The following NPC1 variants were observed in gnomAD, a reference collection of about 807,000 sequenced individuals.
NPC1 encodes NPC intracellular cholesterol transporter 1, also known as Niemann-Pick C1 protein.
In NPC1, 85 loss-of-function variants were observed where a neutral mutation model predicts 140.4. The observed-to-expected ratio is 0.61, with a 90% confidence interval of 0.51 to 0.72. The LOEUF (loss-of-function observed/expected upper bound fraction) is 0.72. Among genes scored for constraint, NPC1 ranks in the 30% least tolerant of loss-of-function variants. NPC1 has a pLI of 0.00. For missense variants in NPC1, 1,504 were observed against 1,623.8 expected (o/e 0.93, Z 1.27); for synonymous variants, 656 against 624.8 (o/e 1.05, Z -0.74).
intron 3 of NPC1, chr18:23,515,853 C>T (rs1440432150): frequency 6.2e-7 from 1 of 1,614,074 alleles, no homozygotes; most frequent in Non-Finnish European, 8.5e-7. Flanking sequence ...AACTCTGCTT[C>T]AGGTATTACC....
intron 10 of NPC1, among the ~76,000 whole-genome samples, chr18:23,550,786 C>T (rs1456246272): frequency 6.6e-6 from 1 of 152,124 alleles, no homozygotes; most frequent in African/African-American, 2.4e-5. Flanking sequence ...ACGCCTGGCC[C>T]AGTTCTTACA....
At chr18:23,539,190 C>A (rs1467620628) in intron 19 of NPC1, among the ~76,000 whole-genome samples, 165 bp downstream of exon 19, 1 of 152,192 alleles carries the variant, frequency 6.6e-6, no homozygotes, top group Non-Finnish European at 1.5e-5. Flanking sequence ...CCAGGAACAA[C>A]ATGACAATTT....
At chr18:23,553,268 A>G (rs2145439873) in intron 9 of NPC1, among the ~76,000 whole-genome samples, 1 of 152,364 alleles carries the variant, frequency 6.6e-6, no homozygotes, top group East Asian at 1.9e-4. Context: ...AAATTTATGT[A>G]ACATTAAATG....
At chr18:23,536,608 T>A in intron 21 of NPC1, 65 bp downstream of exon 21, 1 of 1,428,742 alleles carries the variant, frequency 7.0e-7, no homozygotes, top group Non-Finnish European at 9.7e-7. Flanking sequence ...AAGGGAACCC[T>A]CCCCACTCCC....
At chr18:23,551,776 A>T in intron 9 of NPC1, 49 bp from the exon 10 acceptor site, 2 of 1,205,394 alleles carry the variant, frequency 1.7e-6, no homozygotes, top group Non-Finnish European at 2.5e-6. Flanking sequence ...GCCTCAAGAC[A>T]TCAGGGACCT....
Position 23,536,726 on chromosome 18 carries a change from A to T in NPC1, c.3192T>A (p.Asn1064Lys). ...CGTTAATGCCCATGGTTTCGGTGAC[A>T]TTACTGGCTATAAGTCGGGCTTTCT... ...ALKKARLIAS[N>K]VTETMGINGS... The change falls in exon 21 of 25, where the codon AAT (asparagine) becomes AAA (lysine). Residue 1064 changes from asparagine (N) to lysine (K), a missense_variant. Coordinates refer to ENST00000269228, the MANE Select transcript of NPC1 (RefSeq NM_000271.5). The T allele has an allele frequency of 6.2e-7, 1 of 1,614,182 alleles. No homozygotes were observed. Among genetic ancestry groups the T allele is most frequent in the Non-Finnish European group, 8.5e-7 (1 of 1,180,038 alleles).
downstream of NPC1, chr18:23,528,649 T>C (rs58609749): frequency 0.47 from 71,481 of 152,240 alleles, 17,050 homozygotes; most frequent in East Asian, 0.62. Context: ...GAGGGATGGC[T>C]GAGTCCTTTT....
Position 23,569,005 on chromosome 18 carries a change from G to C in NPC1, c.288-7C>G. 6.2e-7 allele frequency: 1 copy of C among 1,606,808 alleles called. No homozygotes were observed. The highest frequency in any genetic ancestry group is 8.5e-7 in the Non-Finnish European group (1 of 1,174,300). On this transcript the variant is annotated splice_region_variant and splice_polypyrimidine_tract_variant and intron_variant, in intron 3 of 24. Coordinates refer to ENST00000269228, the MANE Select transcript of NPC1 (RefSeq NM_000271.5). ...ATAAAAACAGGATGGACATCTAAAG[G>C]AAAAGTAAATTATATTCTGCATGAT...
At chr18:23,559,406 G>C (rs560671741) in intron 6 of NPC1, among the ~76,000 whole-genome samples, 32 of 149,716 alleles carry the variant, frequency 2.1e-4, no homozygotes, top group African/African-American at 7.9e-4. Flanking sequence ...AAAAAGTACT[G>C]TCCTAAATTA....
intron 1 of NPC1, chr18:23,576,457 A>AG: frequency 1.0e-6 from 1 of 985,890 alleles, no homozygotes; most frequent in African/African-American, 1.7e-5. Flanking sequence ...AAGCAACCTA[A>AG]GCCAGCAGGA....
chr18:23,527,902 G>T, downstream of NPC1: 1 of 1,612,204 alleles, frequency 6.2e-7, no homozygotes, highest in Non-Finnish European at 8.5e-7. Context: ...TTATGCGATG[G>T]TGAGTTACAT....
intron 1 of NPC1, among the ~76,000 whole-genome samples, chr18:23,579,172 A>T (rs1187499642): frequency 6.6e-6 from 1 of 152,244 alleles, no homozygotes; most frequent in Non-Finnish European, 1.5e-5. Context: ...GTCATGCCCT[A>T]GGATCAAGCA....
At chr18:23,508,033 G>A (rs2057757374) in intron 3 of NPC1, 4 of 1,610,498 alleles carry the variant, frequency 2.5e-6, no homozygotes, top group Non-Finnish European at 3.4e-6. Flanking sequence ...ATACACACAG[G>A]AGTGCAAGGT....
chr18:23,576,365 T>G, intron 1 of NPC1: 1 of 472,110 alleles, frequency 2.1e-6, no homozygotes, highest in Non-Finnish European at 2.8e-6. Context: ...GAGGCTGCAG[T>G]GAGCTGAGAT....
At chr18:23,549,896 C>T (rs1046040503) in intron 10 of NPC1, among the ~76,000 whole-genome samples, 1 of 151,944 alleles carries the variant, frequency 6.6e-6, no homozygotes, top group Admixed American at 6.6e-5. Flanking sequence ...CACACACCAC[C>T]ACGTGTGGCT....
rs138054593 is a variant in NPC1 at position 23,536,786 on chromosome 18, C to T, written c.3132G>A (p.Val1044=). The T allele has an allele frequency of 1.6e-5, 26 of 1,614,168 alleles. No homozygotes were observed. The highest frequency in any genetic ancestry group is 1.3e-4 in the East Asian group (6 of 44,888). Reference sequence around the variant, plus strand: ...CAATAAAGTCAGCAGAGGTCTGCAGCACGGTGTGGTAGGTCATGAAGTACG... The same window carrying T: ...CAATAAAGTCAGCAGAGGTCTGCAGTACGGTGTGGTAGGTCATGAAGTACG... ...GATYFMTYHT[V]LQTSADFIDA... Residue 1044 remains valine (V), a synonymous_variant, in exon 21 of 25, where the codon GTG becomes GTA. Transcript: ENST00000269228.
downstream of NPC1, among the ~76,000 whole-genome samples, chr18:23,522,099 A>C (rs1428472936): frequency 2.0e-5 from 3 of 152,254 alleles, no homozygotes; most frequent in Admixed American, 2.0e-4. Flanking sequence ...AAAGTTCAGC[A>C]AGAGCACCAT....
At chr18:23,534,381 C>CAG in intron 23 of NPC1, 65 bp downstream of exon 23, 1 of 1,086,578 alleles carries the variant, frequency 9.2e-7, no homozygotes, top group Non-Finnish European at 1.4e-6. Context: ...CCAGACTCTT[C>CAG]AGTCACTGAG....
chr18:23,534,568 A>C lies in NPC1; in HGVS notation c.3478-9T>G, dbSNP rs1325307408. 6.2e-7 allele frequency: 1 copy of C among 1,607,642 alleles called. No individual in the cohort carries two copies. Among genetic ancestry groups the C allele is most frequent in the Non-Finnish European group, 8.5e-7 (1 of 1,175,228 alleles). ...ACGGAGATGCCACAGCTCTGAAATAAAGCACTTCCTTTAGGATGGCTCTCT... is the reference window on the plus strand; with the variant it reads ...ACGGAGATGCCACAGCTCTGAAATACAGCACTTCCTTTAGGATGGCTCTCT... On this transcript the variant is annotated splice_polypyrimidine_tract_variant and intron_variant, in intron 22 of 24. Transcript: ENST00000269228.
Sources: gnomAD v4.1 joint callset for allele counts (sites outside exome capture counted in the v4.1 genomes callset) on GRCh38, gnomAD v4.1.1 for gene constraint, MANE v1.5 for transcripts, NCBI Gene and HGNC (gene_info 2026-07-23, HGNC 2026-07-21) for gene names.